Variants in SBNO2 observed in about 807,000 individuals in gnomAD.
SBNO2 encodes the protein protein strawberry notch homolog 2.
A neutral mutation model predicts 146.3 loss-of-function variants in SBNO2; 89 were observed. That is an observed-to-expected ratio of 0.61 (90% CI 0.51 to 0.73). SBNO2 has a LOEUF of 0.73. Ranked by LOEUF, SBNO2 falls within the 30% of genes least tolerant of loss-of-function variation. The pLI is 0.00. For synonymous variants in SBNO2, 1,147 were observed against 892.6 expected, an observed-to-expected ratio of 1.29 and a Z score of -5.08; for missense variants, 2,092 against 2,003.7, an observed-to-expected ratio of 1.04 and a Z score of -0.84.
chr19:1,146,746 C>T (rs966088995), intron 4 of SBNO2, among the ~76,000 whole-genome samples: 5 of 106,686 alleles, frequency 4.7e-5, no homozygotes, highest in South Asian at 6.4e-4. Context: ...CGCCTGATGC[C>T]GCAGTGGGAG....
At chr19:1,129,763 G>A (rs150808081) in intron 4 of SBNO2, among the ~76,000 whole-genome samples, 97 of 152,312 alleles carry the variant, frequency 6.4e-4, no homozygotes, top group African/African-American at 2.2e-3. Flanking sequence ...GCCCAGAACC[G>A]CCCAGGCCTT....
Position 1,149,429 on chromosome 19 carries a change from T to C in SBNO2, c.107A>G (p.His36Arg), listed in dbSNP as rs1368399373. ...CGAGAAGGTGTTCCAGTAGGGGCAG[T>C]GCAGCATGGCGCTCTAGAAGAGACA... ...SPPPLQSAML[H>R]CPYWNTFSLP... The change falls in exon 3 of 32, where the codon CAC becomes CGC. Residue 36 changes from histidine to arginine, a missense_variant. Physicochemically the swap from His to Arg is conservative, Grantham distance 29. Coordinates refer to ENST00000361757, the MANE Select transcript of SBNO2 (RefSeq NM_014963.3). 4 of 1,552,090 alleles carry C rather than the reference T, an allele frequency of 2.6e-6. No homozygotes were observed. Among genetic ancestry groups the C allele is most frequent in the South Asian group, 2.4e-5 (2 of 84,118 alleles).
At position 1,109,773 on chromosome 19, in the gene SBNO2, A is replaced by G. The variant is rs200770693; in HGVS notation, c.3033T>C (p.Leu1011=). ...EGKYDMGILD[L]APGIEEIYEE... is the part of the protein sequence containing the mutation. ...CGTAGATCTCCTCGATACCGGGAGCAAGGTCTAGGGGGGCGGGTGGAGGGT... is the reference window on the plus strand; with the variant it reads ...CGTAGATCTCCTCGATACCGGGAGCGAGGTCTAGGGGGGCGGGTGGAGGGT... Residue 1011 remains leucine (L), a synonymous_variant, in exon 27 of 32, where the codon CTT becomes CTC. Coordinates refer to ENST00000361757, the MANE Select transcript of SBNO2 (RefSeq NM_014963.3). The surrounding 1 kb of genome is among the most constrained non-coding windows in gnomAD (Gnocchi z 4.2). The G allele has an allele frequency of 5.8e-6, 9 of 1,553,054 alleles. No individual in the cohort carries two copies. The highest frequency in any genetic ancestry group is 7.9e-6 in the Non-Finnish European group (9 of 1,142,524).
chr19:1,170,899 G>A (rs113103697), intron 1 of SBNO2, among the ~76,000 whole-genome samples: 8,253 of 147,728 alleles, frequency 0.056, 343 homozygotes, highest in Non-Finnish European at 0.089. Flanking sequence ...AGCAACACAC[G>A]CAAGCATGGG....
intron 19 of SBNO2, among the ~76,000 whole-genome samples, chr19:1,113,212 C>A (rs1194503578): frequency 1.3e-5 from 2 of 152,166 alleles, no homozygotes; most frequent in African/African-American, 4.8e-5. Context: ...GGCCGCAGAA[C>A]CAGGCCCAGG....
At position 1,120,824 on chromosome 19, in the gene SBNO2, A is replaced by G. The variant is rs540153818; in HGVS notation, c.1150-801T>C. 2.0e-5 allele frequency among the ~76,000 whole-genome samples: 3 copies of G among 151,778 alleles called. No homozygotes were observed. The East Asian group carries it at 5.8e-4, about 29-fold the overall frequency. ...GCTGGGATTACAAGTGTGCGCCACCACGCCCGGGTAATTTTTGTATTTTCA... is the reference window on the plus strand; with the variant it reads ...GCTGGGATTACAAGTGTGCGCCACCGCGCCCGGGTAATTTTTGTATTTTCA... On this transcript the variant is annotated intron_variant, in intron 11 of 31. Transcript: ENST00000361757.
chr19:1,112,317 C>T lies in SBNO2; in HGVS notation c.2516-16G>A. On this transcript the variant is annotated splice_polypyrimidine_tract_variant and intron_variant, in intron 21 of 31. Coordinates refer to ENST00000361757, the MANE Select transcript of SBNO2 (RefSeq NM_014963.3). The surrounding 1 kb of genome is among the most constrained non-coding windows in gnomAD (Gnocchi z 5.9). ...TGGGTGCGGCCTGGGGGCAGAGCTG[C>T]TCTCAGGGCCCGGCCAGGCGGGGGC... 1.3e-6 allele frequency: 2 copies of T among 1,576,288 alleles called. No individual in the cohort carries two copies. The highest frequency in any genetic ancestry group is 1.7e-6 in the Non-Finnish European group (2 of 1,162,580).
chr19:1,141,592 A>C (rs2080137688), intron 4 of SBNO2, among the ~76,000 whole-genome samples: 1 of 151,974 alleles, frequency 6.6e-6, no homozygotes, highest in African/African-American at 2.4e-5. Context: ...TCCTTCATGG[A>C]CAAACACAGT....
chr19:1,119,691 G>A (rs1599836162), intron 12 of SBNO2, 70 bp from the exon 13 acceptor site: 1 of 1,365,008 alleles, frequency 7.3e-7, no homozygotes, highest in Admixed American at 2.0e-5. Flanking sequence ...GGACGACTAA[G>A]TTGGGACCAC....
rs201293630 is a variant in SBNO2, at chr19:1,122,511, C to T, written c.962G>A (p.Arg321Gln). 1.8e-4 allele frequency: 288 copies of T among 1,567,320 alleles called. 2 individuals carry two copies. The African/African-American group carries it at 3.2e-3, about 17-fold the overall frequency. Residue 321 changes from arginine to glutamine, a missense_variant, in exon 10 of 32, where the codon CGG becomes CAG. Coordinates refer to ENST00000361757, the MANE Select transcript of SBNO2 (RefSeq NM_014963.3). ...CGCGATGCCCGTGGCTTCGATGTCC[C>T]GCAGGTCGCGCTCCGCATCGTACTT... is the stretch of plus-strand genomic sequence containing the variant. Reference protein sequence around the residue: ...DLKYDAERDLRDIEATGIAVH... With the variant: ...DLKYDAERDLQDIEATGIAVH...
chr19:1,139,325 C>T (rs914547015), intron 4 of SBNO2, among the ~76,000 whole-genome samples: 6 of 151,712 alleles, frequency 4.0e-5, no homozygotes, highest in Admixed American at 6.6e-5. Context: ...GCGTGGGCGC[C>T]GGGGCAGGGG....
In SBNO2 at chr19:1,125,661, G is replaced by C. The variant is rs571268307; in HGVS notation, c.442-1639C>G. ...GCACTCCAGCCTGGGCGACAAGAGC[G>C]AGAGACTCTGTCTTAAAAAAAGAAA... On this transcript the variant is annotated intron_variant, in intron 5 of 31. Transcript: ENST00000361757. Among the ~76,000 whole-genome samples, 523 of 146,094 alleles carry C rather than the reference G, an allele frequency of 3.6e-3. 4 individuals are homozygous for C. Among genetic ancestry groups the C allele is most frequent in the African/African-American group, 0.013 (492 of 39,002 alleles).
chr19:1,114,462 C>T (rs902822852), intron 17 of SBNO2, 40 bp from the exon 18 acceptor site: 1 of 1,464,026 alleles, frequency 6.8e-7, no homozygotes, highest in Non-Finnish European at 9.1e-7. Flanking sequence ...CAGACCGCAG[C>T]AAGGTGGAGG....
In SBNO2 at chr19:1,109,060, G is replaced by A. The variant is rs534371354; in HGVS notation, c.3425+75C>T. On this transcript the variant is annotated intron_variant, in intron 30 of 31. Coordinates refer to ENST00000361757, the MANE Select transcript of SBNO2 (RefSeq NM_014963.3). The surrounding 1 kb of genome is among the most constrained non-coding windows in gnomAD (Gnocchi z 4.2). ...CTGAGATCTCCCGCCTCCTCTCAGGGTCTCGGGAGCCCCCGATCCCCGCCT... is the reference window on the plus strand; with the variant it reads ...CTGAGATCTCCCGCCTCCTCTCAGGATCTCGGGAGCCCCCGATCCCCGCCT... 365 of 1,523,850 alleles carry A rather than the reference G, an allele frequency of 2.4e-4. 3 individuals carry two copies. In the African/African-American group the frequency reaches 4.4e-3, roughly 18 times the overall value. 94.4% of individuals were successfully genotyped at this position (1,523,850 alleles called of 1,614,324 possible). A position where few individuals can be genotyped will look rare whatever the true frequency, so the allele number is the denominator to read the frequency against.
At chr19:1,114,791 C>G (rs1401314329) in intron 17 of SBNO2, among the ~76,000 whole-genome samples, 2 of 152,144 alleles carry the variant, frequency 1.3e-5, no homozygotes, top group Non-Finnish European at 2.9e-5. Context: ...CCCACCACCA[C>G]GCCTGGCTAA....
At chr19:1,122,592 T>TGCCCCCCCCCCCCCCCCCAACC in intron 9 of SBNO2, 34 bp from the exon 10 acceptor site, 1 of 1,455,728 alleles carries the variant, frequency 6.9e-7, no homozygotes, top group Non-Finnish European at 9.2e-7. Context: ...CGCCCACCCT[T>TGCCCCCCCCCCCCCCCCCAACC]CCCCCTCGCC....
intron 4 of SBNO2, among the ~76,000 whole-genome samples, chr19:1,133,253 C>T (rs1003024479): frequency 6.6e-6 from 1 of 152,128 alleles, no homozygotes; most frequent in Non-Finnish European, 1.5e-5. Context: ...CAGGTGGCCA[C>T]GGCTCCTCCT....
Position 1,117,441 on chromosome 19 carries a change from C to G in SBNO2, c.1586G>C (p.Arg529Pro). The stretch of plus-strand genomic sequence containing the variant: ...CCAGAACTGGCCCCACAGGGACTTG[C>G]GCGACTCCAGGCCGATCCAGTCGGC... ...QAADWIGLES[R>P]KSLWGQFWSA... is the part of the protein sequence containing the mutation. Residue 529 changes from arginine to proline, a missense_variant, in exon 15 of 32, where the codon CGC becomes CCC. Physicochemically the swap from Arg to Pro is moderately radical, Grantham distance 103. Coordinates refer to ENST00000361757, the MANE Select transcript of SBNO2 (RefSeq NM_014963.3). 1 of 1,589,130 alleles carries G rather than the reference C, an allele frequency of 6.3e-7. No homozygotes were observed. The highest frequency in any genetic ancestry group is 8.6e-7 in the Non-Finnish European group (1 of 1,169,372).
Position 1,150,523 on chromosome 19 carries a change from C to A in SBNO2, c.94-1081G>T, listed in dbSNP as rs1019237962. Among the ~76,000 whole-genome samples, 21 of 152,082 alleles carry A rather than the reference C, an allele frequency of 1.4e-4. No homozygotes were observed. The highest frequency in any genetic ancestry group is 4.6e-4 in the African/African-American group (19 of 41,422). Reference sequence around the variant, plus strand: ...GGGAGACCCTGCCGTCACGGACGCCCCCACGGTCACGGGGGAGACCCTGCC... The same window carrying A: ...GGGAGACCCTGCCGTCACGGACGCCACCACGGTCACGGGGGAGACCCTGCC... On this transcript the variant is annotated intron_variant, in intron 2 of 31. Transcript: ENST00000361757. This position sits in a 1 kb window ranked among gnomAD's most constrained non-coding sequence, Gnocchi z 6.2.
Sources: gnomAD v4.1 joint callset for allele counts (sites outside exome capture counted in the v4.1 genomes callset) on GRCh38, gnomAD v4.1.1 for gene constraint, Gnocchi (gnomAD v3.1) non-coding constraint, MANE v1.5 for transcripts, NCBI Gene and HGNC (gene_info 2026-07-23, HGNC 2026-07-21) for gene names.